The following CHRM5 variants were observed in gnomAD, a reference collection of about 807,000 sequenced individuals.
CHRM5 encodes muscarinic acetylcholine receptor M5.
In CHRM5, 18 loss-of-function variants were observed where a neutral mutation model predicts 39.0. The ratio of observed to expected loss-of-function variants is 0.46; its 90% confidence interval spans 0.32 to 0.68. The LOEUF is 0.68. Among genes scored for constraint, CHRM5 ranks in the 30% least tolerant of loss-of-function variants. The pLI, the probability that CHRM5 is intolerant of heterozygous loss-of-function variation, is 0.04. For synonymous variants in CHRM5, 241 were observed against 246.3 expected, an observed-to-expected ratio of 0.98 and a Z score of 0.20; for missense variants, 515 against 651.1, an observed-to-expected ratio of 0.79 and a Z score of 2.28.
At chr15:33,996,607 G>A (rs1239732119) in intron 1 of CHRM5, among the ~76,000 whole-genome samples, 1 of 152,178 alleles carries the variant, frequency 6.6e-6, no homozygotes, top group African/African-American at 2.4e-5. Flanking sequence ...ACCTGCAGCT[G>A]AGGGACCTGA....
intron 1 of CHRM5, among the ~76,000 whole-genome samples, chr15:33,988,173 A>G (rs1896558364): frequency 6.6e-6 from 1 of 152,226 alleles, no homozygotes; most frequent in African/African-American, 2.4e-5. Context: ...CCAAGTGTAA[A>G]CAACACAGCT....
At chr15:34,002,698 T>C (rs1219986081) in intron 1 of CHRM5, among the ~76,000 whole-genome samples, 1 of 152,192 alleles carries the variant, frequency 6.6e-6, no homozygotes, top group Non-Finnish European at 1.5e-5. Context: ...CCTACAAATA[T>C]AAGGAATGTT....
intron 1 of CHRM5, among the ~76,000 whole-genome samples, chr15:34,030,373 T>C (rs1898721351): frequency 6.6e-6 from 1 of 152,066 alleles, no homozygotes; most frequent in Non-Finnish European, 1.5e-5. Flanking sequence ...TGAGACGGAG[T>C]CTTGCTCTGT....
At chr15:33,997,303 C>CA (rs956719231) in intron 1 of CHRM5, among the ~76,000 whole-genome samples, 12 of 151,962 alleles carry the variant, frequency 7.9e-5, no homozygotes, top group Non-Finnish European at 1.5e-4. Context: ...ATCAAGACTA[C>CA]TTTTTTTTTA....
At position 34,063,781 on chromosome 15, in the gene CHRM5, A is replaced by G. The variant is rs138383914; in HGVS notation, c.1064A>G (p.Asp355Gly). The G allele has an allele frequency of 3.1e-6, 5 of 1,614,080 alleles. No homozygotes were observed. In the African/African-American group the frequency reaches 6.7e-5, roughly 22 times the overall value. ...GTGAAAGCTGAAACTGAAAAAAGTG[A>G]CTATGACACCCCAAACTACCTTCTG... ...TFVKAETEKS[D>G]YDTPNYLLSP... is the part of the protein sequence containing the mutation. The change falls in exon 3 of 3, where the codon GAC becomes GGC. Residue 355 changes from aspartate to glycine, a missense_variant. Asp to Gly is a moderately conservative substitution (Grantham distance 94). Coordinates refer to ENST00000383263, the MANE Select transcript of CHRM5 (RefSeq NM_012125.4). The surrounding 1 kb of genome is among the most constrained non-coding windows in gnomAD (Gnocchi z 4.1).
chr15:34,038,824 T>C (rs1251130548), intron 1 of CHRM5: 16 of 1,190,722 alleles, frequency 1.3e-5, no homozygotes, highest in African/African-American at 1.6e-5. Context: ...TCCCGGCGGC[T>C]GCCTCGCGGG....
At position 33,996,133 on chromosome 15, in the gene CHRM5, G is replaced by A. The variant is rs186204845; in HGVS notation, c.-408+26983G>A. 4.5e-3 allele frequency among the ~76,000 whole-genome samples: 682 copies of A among 152,342 alleles called. 4 individuals are homozygous for A. The highest frequency in any genetic ancestry group is 0.01 in the Middle Eastern group (3 of 294). The stretch of plus-strand genomic sequence containing the variant: ...GCAGCAGCCTGGCAGGGGGAGGGGC[G>A]TCTGCCATTGCTGAGACTCGAGTAG... On this transcript the variant is annotated intron_variant, in intron 1 of 2. Transcript: ENST00000383263.
intron 1 of CHRM5, among the ~76,000 whole-genome samples, chr15:33,982,019 T>C (rs961440857): frequency 2.0e-5 from 3 of 148,144 alleles, no homozygotes; most frequent in Non-Finnish European, 4.4e-5. Context: ...CCCTGCTAAT[T>C]TTTGTATTTT....
intron 1 of CHRM5, among the ~76,000 whole-genome samples, chr15:34,011,066 C>T: frequency 6.6e-6 from 1 of 152,058 alleles, no homozygotes; most frequent in Admixed American, 6.6e-5. Flanking sequence ...GTGGCTCATT[C>T]CTATAATACC....
rs566920206 is a variant in CHRM5, at chr15:34,039,739, T to TATTG, written c.-407-6799_-407-6796dup. On this transcript the variant is annotated intron_variant, in intron 1 of 2. Transcript: ENST00000383263. The stretch of plus-strand genomic sequence containing the variant: ...AGAAATGACTACTACAGCTGACATT[T>TATTG]ATTGAGCACATGAGTATTTCATTCT... 1.7e-3 allele frequency among the ~76,000 whole-genome samples: 265 copies of TATTG among 152,316 alleles called. 1 individual carries two copies. Among genetic ancestry groups the TATTG allele is most frequent in the African/African-American group, 6.1e-3 (255 of 41,566 alleles).
intron 2 of CHRM5, among the ~76,000 whole-genome samples, chr15:34,049,691 A>G (rs1012500402): frequency 6.6e-6 from 1 of 152,146 alleles, no homozygotes; most frequent in African/African-American, 2.4e-5. Flanking sequence ...GAACCCCAGT[A>G]AGATACTCCA....
At position 34,065,617 on chromosome 15, in the gene CHRM5, A is replaced by G. The variant is rs1816895347; in HGVS notation, c.*1301A>G. The G allele has an allele frequency of 6.6e-6, 1 of 152,258 alleles. No individual in the cohort carries two copies. The highest frequency in any genetic ancestry group is 1.5e-5 in the Non-Finnish European group (1 of 68,048). The allele number at this position is 152,258 out of a possible 1,614,324, so 9.4% of individuals were successfully genotyped here. A position where few individuals can be genotyped will look rare whatever the true frequency, so the allele number is the denominator to read the frequency against. On this transcript the variant is annotated 3_prime_UTR_variant, in exon 3 of 3. Coordinates refer to ENST00000383263, the MANE Select transcript of CHRM5 (RefSeq NM_012125.4). ...AAATGATCTGAAAGCTTCATTTTTAAAAACAAAGTGTAGGTCATAGTAATA... is the reference window on the plus strand; with the variant it reads ...AAATGATCTGAAAGCTTCATTTTTAGAAACAAAGTGTAGGTCATAGTAATA...
chr15:34,023,952 A>C (rs1364603931), intron 1 of CHRM5, among the ~76,000 whole-genome samples: 1 of 152,172 alleles, frequency 6.6e-6, no homozygotes, highest in Non-Finnish European at 1.5e-5. Flanking sequence ...CAGAGAGTGG[A>C]TTTGATTTCA....
Position 33,988,901 on chromosome 15 carries a change from A to G in CHRM5, c.-408+19751A>G, listed in dbSNP as rs1277934597. Among the ~76,000 whole-genome samples the G allele has an allele frequency of 2.6e-5, 4 of 152,344 alleles. No homozygotes were observed. The East Asian group carries it at 5.8e-4, about 22-fold the overall frequency. On this transcript the variant is annotated intron_variant, in intron 1 of 2. Coordinates refer to ENST00000383263, the MANE Select transcript of CHRM5 (RefSeq NM_012125.4). ...CAACTATCCCTTGGATGCCCAGTTAACACTCATAACACAAATGGCTAATCT... is the reference window on the plus strand; with the variant it reads ...CAACTATCCCTTGGATGCCCAGTTAGCACTCATAACACAAATGGCTAATCT...
At chr15:34,038,991 C>G (rs1227078806) in intron 1 of CHRM5, 1 of 1,116,602 alleles carries the variant, frequency 9.0e-7, no homozygotes, top group Non-Finnish European at 1.1e-6. Context: ...TCCGCCAGGC[C>G]GGCCGCGGCC....
intron 1 of CHRM5, among the ~76,000 whole-genome samples, chr15:33,986,838 TA>T (rs1175936252): frequency 6.6e-6 from 1 of 152,014 alleles, no homozygotes; most frequent in East Asian, 1.9e-4. Context: ...TTTGTATTTT[TA>T]GTAGAGATGG....
chr15:33,983,140 G>GTGTGTGTGTGTGTGTGTA lies in CHRM5; in HGVS notation c.-408+14007_-408+14008insATGTGTGTGTGTGTGTGT, dbSNP rs1555512721. 1.8e-3 allele frequency among the ~76,000 whole-genome samples: 211 copies of GTGTGTGTGTGTGTGTGTA among 118,366 alleles called. 1 individual carries two copies. Among genetic ancestry groups the GTGTGTGTGTGTGTGTGTA allele is most frequent in the African/African-American group, 8.7e-3 (194 of 22,264 alleles). 77.7% of individuals were successfully genotyped at this position (118,366 alleles called of 152,430 possible). On this transcript the variant is annotated intron_variant, in intron 1 of 2. Coordinates refer to ENST00000383263, the MANE Select transcript of CHRM5 (RefSeq NM_012125.4). The stretch of plus-strand genomic sequence containing the variant: ...ATATGTCCATACTCTGTGTGTGTGT[G>GTGTGTGTGTGTGTGTGTA]TGTGTGTGTGTGTGTGTGTATGTGT...
chr15:34,050,069 G>C (rs682052), intron 2 of CHRM5, among the ~76,000 whole-genome samples: 1 of 151,370 alleles, frequency 6.6e-6, no homozygotes, highest in Non-Finnish European at 1.5e-5. Context: ...TGTATTTTTA[G>C]TAGAGATGGG....
chr15:33,996,086 C>T (rs556194835), intron 1 of CHRM5, among the ~76,000 whole-genome samples: 1 of 152,364 alleles, frequency 6.6e-6, no homozygotes, highest in South Asian at 2.1e-4. Flanking sequence ...GCTAGCGCAG[C>T]AGTCTGAGAT....
Sources: allele counts gnomAD v4.1 joint callset (sites outside exome capture counted in the v4.1 genomes callset), GRCh38; gene constraint gnomAD v4.1.1; non-coding constraint Gnocchi (gnomAD v3.1); transcripts MANE v1.5; gene names NCBI Gene and HGNC (gene_info 2026-07-23, HGNC 2026-07-21).